The following CLSPN variants were observed in gnomAD, a reference collection of about 807,000 sequenced individuals.
CLSPN encodes claspin homolog.
CLSPN carries 85 observed loss-of-function variants against 156.3 expected under a neutral mutation model. That is an observed-to-expected ratio of 0.54 (90% CI 0.46 to 0.65). The LOEUF is 0.65. CLSPN is among the 30% of genes least tolerant of loss of function. The pLI, the probability that CLSPN is intolerant of heterozygous loss-of-function variation, is 0.00. For synonymous variants in CLSPN, 534 were observed against 542.4 expected (o/e 0.98, Z 0.22); for missense variants, 1,407 against 1,554.9 (o/e 0.90, Z 1.60).
rs1642429325 is a variant in CLSPN, at chr1:35,760,333, A to G, written c.1579+9T>C. On this transcript the variant is annotated intron_variant, in intron 8 of 24. Coordinates refer to ENST00000318121, the MANE Select transcript of CLSPN (RefSeq NM_022111.4). ...CTCCAGGGAGGCTCCCCACAATGTA[A>G]AGGATTACCTCTGTTGGTTTCAGGT... 1 of 1,604,566 alleles carries G rather than the reference A, an allele frequency of 6.2e-7. No individual in the cohort carries two copies. The highest frequency in any genetic ancestry group is 1.3e-5 in the African/African-American group (1 of 74,644).
intron 24 of CLSPN, among the ~76,000 whole-genome samples, chr1:35,724,303 G>C (rs1265160313): frequency 1.3e-5 from 2 of 152,200 alleles, no homozygotes; most frequent in Non-Finnish European, 2.9e-5. Context: ...GAGAAAGCAA[G>C]AGAAGGCATA....
At chr1:35,728,767 C>T (rs1641248628), downstream of CLSPN, among the ~76,000 whole-genome samples, 1 of 152,092 alleles carries the variant, frequency 6.6e-6, no homozygotes, top group African/African-American at 2.4e-5. Context: ...TCAATTAAGA[C>T]ATCCAGCAAC....
At position 35,748,022 on chromosome 1, in the gene CLSPN, C is replaced by A; in HGVS notation, c.2512G>T (p.Asp838Tyr). Residue 838 changes from aspartate to tyrosine, a missense_variant, in exon 14 of 25, where the codon GAT (aspartate) becomes TAT (tyrosine). By Grantham distance (160) the Asp-to-Tyr change is radical. Around this residue, in one of 3 missense-constraint regions of CLSPN, gnomAD observed 1,096 missense variants for 1,193.0 expected, o/e 0.92. Transcript: ENST00000318121. The stretch of plus-strand genomic sequence containing the variant: ...GAGGCGTTATACAGATCCTGGGAAT[C>A]CTCTATGGGAAGTGAAGGCTCAGAC... Reference protein sequence around the residue: ...KLSEPSLPIEDSQDLYNASPE... With the variant: ...KLSEPSLPIEYSQDLYNASPE... 6.2e-7 allele frequency: 1 copy of A among 1,614,068 alleles called. No individual in the cohort carries two copies. The highest frequency in any genetic ancestry group is 1.6e-4 in the Middle Eastern group (1 of 6,062).
At position 35,734,787 on chromosome 1, in the gene CLSPN, C is replaced by T; in HGVS notation, c.*1709G>A. On this transcript the variant is annotated 3_prime_UTR_variant, in exon 25 of 25. Coordinates refer to ENST00000318121, the MANE Select transcript of CLSPN (RefSeq NM_022111.4). ...CAATTAAATTGGTGTTCCCATCTCC[C>T]AGTAAAAAACTGGCACACTCTCTTC... The T allele has an allele frequency of 1.0e-6, 1 of 985,106 alleles. No individual in the cohort carries two copies. 61.0% of individuals were successfully genotyped at this position (985,106 alleles called of 1,614,324 possible).
chr1:35,743,496 A>G lies in CLSPN; in HGVS notation c.3001T>C (p.Phe1001Leu). The G allele has an allele frequency of 1.2e-6, 2 of 1,613,962 alleles. No homozygotes were observed. The highest frequency in any genetic ancestry group is 1.7e-6 in the Non-Finnish European group (2 of 1,179,852). Residue 1001 changes from phenylalanine (F) to leucine (L), a missense_variant, in exon 17 of 25, where the codon TTT becomes CTT. By Grantham distance (22) the Phe-to-Leu change is conservative. Coordinates refer to ENST00000318121, the MANE Select transcript of CLSPN (RefSeq NM_022111.4). ...EEDEEEEFGD[F>L]RLVSNDNEFD... ...TCATTATCATTTGAAACAAGCCGAA[A>G]GTCTCCAAATTCCTCCTCCTCGTCT...
chr1:35,741,015 A>T (rs1050565981), intron 18 of CLSPN, among the ~76,000 whole-genome samples: 1 of 152,230 alleles, frequency 6.6e-6, no homozygotes, highest in African/African-American at 2.4e-5. Flanking sequence ...AAAAGCAACC[A>T]TATAAATCTA....
chr1:35,727,452 ACTGT>A (rs1641218471), downstream of CLSPN, among the ~76,000 whole-genome samples: 1 of 152,204 alleles, frequency 6.6e-6, no homozygotes, highest in Non-Finnish European at 1.5e-5. Flanking sequence ...ACCCTGGAAG[ACTGT>A]CTGCATAGTG....
rs562105910 is a variant in CLSPN at position 35,765,272 on chromosome 1, G to A, written c.79C>T (p.Pro27Ser). The A allele has an allele frequency of 5.6e-5, 91 of 1,613,882 alleles. No individual in the cohort carries two copies. In the South Asian group the frequency reaches 9.7e-4, roughly 17 times the overall value. ...NVISQEEADS[P>S]SDSGQGSYET... The stretch of plus-strand genomic sequence containing the variant: ...TAGCTGCCCTGTCCACTATCTGAAG[G>A]ACTATCTGCTTCCTCTTGTGAAATG... Residue 27 changes from proline (P) to serine (S), a missense_variant, in exon 2 of 25, where the codon CCT becomes TCT. Transcript: ENST00000318121.
intron 14 of CLSPN, 64 bp from the exon 15 acceptor site, chr1:35,747,056 C>T (rs1195114839): frequency 8.0e-7 from 1 of 1,256,566 alleles, no homozygotes; most frequent in Non-Finnish European, 1.2e-6. Flanking sequence ...GGTGCGGTAG[C>T]TCACGCCTGT....
chr1:35,761,862 C>G lies in CLSPN; in HGVS notation c.895+136G>C, dbSNP rs1010135194. The G allele has an allele frequency of 4.8e-6, 3 of 624,008 alleles. No homozygotes were observed. In the African/African-American group the frequency reaches 5.6e-5, roughly 12 times the overall value. The allele number at this position is 624,008 out of a possible 1,614,324, so 38.7% of individuals were successfully genotyped here. On this transcript the variant is annotated intron_variant, in intron 6 of 24. Transcript: ENST00000318121. The stretch of plus-strand genomic sequence containing the variant: ...GGGCTTTAGAACAATGGCCTTTCAC[C>G]AAGATCAATTCTAAACTTAATATTA...
Position 35,762,498 on chromosome 1 carries a change from G to A in CLSPN, c.745-17C>T. 6.2e-7 allele frequency: 1 copy of A among 1,609,474 alleles called. No individual in the cohort carries two copies. Among genetic ancestry groups the A allele is most frequent in the South Asian group, 1.1e-5 (1 of 90,952 alleles). On this transcript the variant is annotated splice_polypyrimidine_tract_variant and intron_variant, in intron 4 of 24. Coordinates refer to ENST00000318121, the MANE Select transcript of CLSPN (RefSeq NM_022111.4). ...TTCTTTTTTCTAAAAGAAATGGCAG[G>A]TTGATTAGGACAAAAACGAAATTCA...
Position 35,738,550 on chromosome 1 carries a change from C to A in CLSPN, c.3463G>T (p.Asp1155Tyr). 4 of 1,613,904 alleles carry A rather than the reference C, an allele frequency of 2.5e-6. No homozygotes were observed. Among genetic ancestry groups the A allele is most frequent in the Non-Finnish European group, 1.7e-6 (2 of 1,179,860 alleles). ...TCTTCAGTCTGATCATCATCAGAGT[C>A]TCTGTGGAACAAGTCCATCTGGGAA... The part of the protein sequence containing the change: ...DASQMDLFHR[D>Y]SDDDQTEEQL... Residue 1155 changes from aspartate to tyrosine, a missense_variant, in exon 21 of 25, where the codon GAC (aspartate) becomes TAC (tyrosine). Coordinates refer to ENST00000318121, the MANE Select transcript of CLSPN (RefSeq NM_022111.4).
chr1:35,757,725 G>A (rs1415976602), intron 8 of CLSPN, among the ~76,000 whole-genome samples: 2 of 152,148 alleles, frequency 1.3e-5, no homozygotes, highest in African/African-American at 4.8e-5. Context: ...TCAGTGTTCC[G>A]GACAACAGCT....
chr1:35,737,590 C>T (rs1435107399), intron 22 of CLSPN, 169 bp from the exon 23 acceptor site: 2 of 568,654 alleles, frequency 3.5e-6, no homozygotes, highest in Non-Finnish European at 3.1e-6. Context: ...CAAGAAGAGA[C>T]ACAACTAAGT....
At position 35,747,098 on chromosome 1, in the gene CLSPN, G is replaced by A. The variant is rs376560858; in HGVS notation, c.2628-106C>T. 1.9e-4 allele frequency: 140 copies of A among 749,270 alleles called. 3 individuals carry two copies. The highest frequency in any genetic ancestry group is 1.2e-3 in the South Asian group (71 of 61,324). 46.4% of individuals were successfully genotyped at this position (749,270 alleles called of 1,614,324 possible). The stretch of plus-strand genomic sequence containing the variant: ...AGCACTTCGGGAGGCCGAGGCGGGC[G>A]GATCACGAGGTCAGGAGATCAAGAC... On this transcript the variant is annotated intron_variant, in intron 14 of 24. Coordinates refer to ENST00000318121, the MANE Select transcript of CLSPN (RefSeq NM_022111.4).
At chr1:35,755,207 T>A (rs1220047314) in intron 8 of CLSPN, among the ~76,000 whole-genome samples, 3 of 151,786 alleles carry the variant, frequency 2.0e-5, no homozygotes, top group African/African-American at 7.3e-5. Flanking sequence ...GAGGTGATCC[T>A]CTCACCTCAG....
chr1:35,748,090 C>A, intron 13 of CLSPN, 29 bp from the exon 14 acceptor site: 1 of 1,587,394 alleles, frequency 6.3e-7, no homozygotes, highest in Non-Finnish European at 8.5e-7. Flanking sequence ...CAAACAATAA[C>A]AAAACATTTT....
intron 10 of CLSPN, 37 bp downstream of exon 10, chr1:35,751,213 C>T (rs1373850311): frequency 6.3e-7 from 1 of 1,585,196 alleles, no homozygotes; most frequent in Non-Finnish European, 8.5e-7. Context: ...TCATATTCAC[C>T]ATGACAAGGT....
chr1:35,751,291 C>A lies in CLSPN; in HGVS notation c.1987G>T (p.Glu663Ter). 6.3e-7 allele frequency: 1 copy of A among 1,590,672 alleles called. No homozygotes were observed. The highest frequency in any genetic ancestry group is 8.6e-7 in the Non-Finnish European group (1 of 1,169,514). The change falls in exon 10 of 25, where the codon GAG (glutamate) becomes TAG (stop). Residue 663 changes from glutamate (E) to a stop codon, truncating the protein, a stop_gained. Coordinates refer to ENST00000318121, the MANE Select transcript of CLSPN (RefSeq NM_022111.4). LOFTEE classifies it high-confidence loss of function. Reference sequence around the variant, plus strand: ...TCTTCCTCCTCCTCTTCTTTCTCCTCCTCTTCCTCTAGTTCTTCCTCTTTC... The same window carrying A: ...TCTTCCTCCTCCTCTTCTTTCTCCTACTCTTCCTCTAGTTCTTCCTCTTTC... ...EEKEEELEEE[E>*]EKEEEEEEEG...
Sources: allele counts gnomAD v4.1 joint callset (sites outside exome capture counted in the v4.1 genomes callset), GRCh38; gene constraint gnomAD v4.1.1; regional missense constraint gnomAD v4.1.1; transcripts MANE v1.5; gene names NCBI Gene and HGNC (gene_info 2026-07-23, HGNC 2026-07-21).